The following B3GALT1 variants were observed in gnomAD, a reference collection of about 807,000 sequenced individuals.
The protein encoded by B3GALT1 is beta-1,3-galactosyltransferase 1, also known as UDP-Gal:betaGlcNAc beta 1,3-galactosyltransferase, polypeptide 1.
B3GALT1 carries 10 observed loss-of-function variants against 23.2 expected under a neutral mutation model. That is an observed-to-expected ratio of 0.43 (90% CI 0.27 to 0.73). The LOEUF (loss-of-function observed/expected upper bound fraction) is 0.73, where lower values mean the gene tolerates loss of function less well. Ranked by LOEUF, B3GALT1 falls within the 30% of genes least tolerant of loss-of-function variation. B3GALT1 has a pLI of 0.21. For missense variants in B3GALT1, 299 were observed against 405.4 expected (o/e 0.74, Z 2.25); for synonymous variants, 156 against 141.5 (o/e 1.10, Z -0.73).
chr2:167,357,165 A>G (rs533213676), intron 1 of B3GALT1, among the ~76,000 whole-genome samples: 5 of 152,152 alleles, frequency 3.3e-5, no homozygotes. Context: ...AACAATATTT[A>G]TGTGTAATAC....
chr2:167,590,899 A>G (rs1051477970), intron 2 of B3GALT1, among the ~76,000 whole-genome samples: 1 of 152,196 alleles, frequency 6.6e-6, no homozygotes, highest in African/African-American at 2.4e-5. Context: ...GTAACAGAGA[A>G]TGGTATCTGC....
intron 3 of B3GALT1, among the ~76,000 whole-genome samples, chr2:167,702,523 G>A (rs1361882350): frequency 1.3e-5 from 2 of 152,004 alleles, no homozygotes; most frequent in African/African-American, 4.8e-5. Context: ...CCATTTACAG[G>A]AATTAAATGT....
At chr2:167,863,981 C>T (rs1378013699) in intron 4 of B3GALT1, among the ~76,000 whole-genome samples, 2 of 130,918 alleles carry the variant, frequency 1.5e-5, no homozygotes, top group African/African-American at 5.7e-5. Context: ...TGTGTGCATG[C>T]ATGTATGTAT....
At chr2:167,294,809 A>T (rs1471614525) in intron 1 of B3GALT1, among the ~76,000 whole-genome samples, 1 of 152,168 alleles carries the variant, frequency 6.6e-6, no homozygotes, top group East Asian at 1.9e-4. Context: ...TTTTCTTGTT[A>T]TGTAGCTCCG....
In B3GALT1 at chr2:167,868,909, C is replaced by A; in HGVS notation, c.-131C>A. The A allele has an allele frequency of 2.7e-6, 3 of 1,111,810 alleles. No homozygotes were observed. Among genetic ancestry groups the A allele is most frequent in the Non-Finnish European group, 3.8e-6 (3 of 784,260 alleles). 68.9% of individuals were successfully genotyped at this position (1,111,810 alleles called of 1,614,324 possible). ...ACAGACAGCCACTGAGGCCCATGGACAATCTCCACCTCACGCTTCTCTATC... is the reference window on the plus strand; with the variant it reads ...ACAGACAGCCACTGAGGCCCATGGAAAATCTCCACCTCACGCTTCTCTATC... On this transcript the variant is annotated 5_prime_UTR_variant, in exon 5 of 5. Coordinates refer to ENST00000392690, the MANE Select transcript of B3GALT1 (RefSeq NM_020981.4).
intron 3 of B3GALT1, chr2:167,716,176 G>A (rs1274002231): frequency 1.1e-5 from 12 of 1,122,984 alleles, no homozygotes; most frequent in Non-Finnish European, 1.5e-5. Flanking sequence ...ACCAACCGGA[G>A]CGGACTACTG....
intron 3 of B3GALT1, among the ~76,000 whole-genome samples, chr2:167,705,667 C>T (rs1686956317): frequency 6.6e-6 from 1 of 152,134 alleles, no homozygotes. Flanking sequence ...ATAATAGACC[C>T]ACATACTCCT....
intron 2 of B3GALT1, among the ~76,000 whole-genome samples, chr2:167,581,623 A>G (rs952105642): frequency 1.3e-5 from 2 of 152,228 alleles, no homozygotes; most frequent in African/African-American, 4.8e-5. Flanking sequence ...CTCCTGTGCC[A>G]TTCATGCAGT....
At chr2:167,321,431 G>A (rs995583619) in intron 1 of B3GALT1, among the ~76,000 whole-genome samples, 2 of 151,748 alleles carry the variant, frequency 1.3e-5, no homozygotes, top group African/African-American at 4.8e-5. Flanking sequence ...TTTTTCCATT[G>A]TACCACCTAC....
intron 4 of B3GALT1, among the ~76,000 whole-genome samples, chr2:167,861,798 C>T (rs888976605): frequency 1.3e-5 from 2 of 152,190 alleles, no homozygotes; most frequent in Admixed American, 6.5e-5. Flanking sequence ...TTTGCATTCC[C>T]TTTGCATTTC....
At chr2:167,301,066 T>C (rs1017957204) in intron 1 of B3GALT1, among the ~76,000 whole-genome samples, 6 of 152,172 alleles carry the variant, frequency 3.9e-5, no homozygotes, top group African/African-American at 1.4e-4. Flanking sequence ...GAATATAAGT[T>C]GGGCACAGTA....
chr2:167,735,419 T>C (rs1687477148), intron 3 of B3GALT1, among the ~76,000 whole-genome samples: 1 of 152,240 alleles, frequency 6.6e-6, no homozygotes, highest in Non-Finnish European at 1.5e-5. Flanking sequence ...AACATCTCAA[T>C]GGGCCAACCA....
At chr2:167,817,993 C>A (rs1689028980) in intron 3 of B3GALT1, among the ~76,000 whole-genome samples, 1 of 152,222 alleles carries the variant, frequency 6.6e-6, no homozygotes, top group East Asian at 1.9e-4. Flanking sequence ...CCCAGCTGTG[C>A]CGTGAATGAA....
At chr2:167,864,642 C>G (rs1201236344) in intron 4 of B3GALT1, among the ~76,000 whole-genome samples, 1 of 152,148 alleles carries the variant, frequency 6.6e-6, no homozygotes, top group Non-Finnish European at 1.5e-5. Context: ...CTGGGCTTTC[C>G]CATCCAAGAT....
intron 3 of B3GALT1, among the ~76,000 whole-genome samples, chr2:167,704,704 A>G (rs1421817920): frequency 1.3e-5 from 2 of 152,240 alleles, no homozygotes; most frequent in African/African-American, 2.4e-5. Flanking sequence ...AAGTAAATGA[A>G]CATGAAAGTT....
intron 3 of B3GALT1, among the ~76,000 whole-genome samples, chr2:167,762,332 TTTC>T (rs554755227): frequency 6.6e-6 from 1 of 152,168 alleles, no homozygotes; most frequent in South Asian, 2.1e-4. Context: ...ATGAGAACTA[TTTC>T]TTCTTCTACT....
intron 2 of B3GALT1, among the ~76,000 whole-genome samples, chr2:167,633,250 T>C (rs552877520): frequency 1.3e-3 from 194 of 151,670 alleles, no homozygotes; most frequent in African/African-American, 4.5e-3. Context: ...TTCACTGAGG[T>C]TGAAATGAAG....
At chr2:167,442,378 C>T (rs569213837) in intron 1 of B3GALT1, among the ~76,000 whole-genome samples, 2,590 of 152,084 alleles carry the variant, frequency 0.017, 79 homozygotes, top group African/African-American at 0.06. Context: ...ATTTATAGTC[C>T]TTTGGGTATA....
At chr2:167,660,181 T>C (rs1328502699) in intron 3 of B3GALT1, among the ~76,000 whole-genome samples, 1 of 152,092 alleles carries the variant, frequency 6.6e-6, no homozygotes, top group Non-Finnish European at 1.5e-5. Context: ...ACTTGAGCAT[T>C]GAGAGCTGTA....
Sources: gnomAD v4.1 joint callset for allele counts (sites outside exome capture counted in the v4.1 genomes callset) on GRCh38, gnomAD v4.1.1 for gene constraint, MANE v1.5 for transcripts, NCBI Gene and HGNC (gene_info 2026-07-23, HGNC 2026-07-21) for gene names.